CREBBP: variants seen among roughly 807,000 people sequenced by gnomAD.
CREBBP encodes the protein CREB binding lysine acetyltransferase, also known as CREB-binding protein.
In CREBBP, 19 loss-of-function variants were observed where a neutral mutation model predicts 265.0. The observed-to-expected ratio is 0.07, with a 90% CI of 0.05 to 0.11. CREBBP has a LOEUF of 0.11. Among genes scored for constraint, CREBBP ranks in the 10% least tolerant of loss-of-function variants. CREBBP has a pLI of 1.00. For synonymous variants in CREBBP, 1,457 were observed against 1,223.7 expected (o/e 1.19, Z -3.98); for missense variants, 2,525 against 3,219.0 (o/e 0.78, Z 5.22).
chr16:3,787,654 T>TTTTTG (rs372061391), intron 5 of CREBBP, among the ~76,000 whole-genome samples: 52 of 151,886 alleles, frequency 3.4e-4, no homozygotes, highest in East Asian at 3.9e-4. Flanking sequence ...TTGTTTTGGT[T>TTTTTG]TTTTGTTTTG....
chr16:3,765,994 C>T (rs2052843070), intron 16 of CREBBP, among the ~76,000 whole-genome samples: 1 of 152,074 alleles, frequency 6.6e-6, no homozygotes, highest in Non-Finnish European at 1.5e-5. Context: ...GCACGCCCTG[C>T]TTTTCTAAGT....
chr16:3,849,559 CAG>C (rs1440188959), intron 2 of CREBBP, among the ~76,000 whole-genome samples: 1 of 109,696 alleles, frequency 9.1e-6, no homozygotes, highest in Non-Finnish European at 1.7e-5. Context: ...TTCCAAGAGA[CAG>C]GGTTTCGCCA....
intron 2 of CREBBP, among the ~76,000 whole-genome samples, chr16:3,841,624 G>C (rs373300200): frequency 3.7e-4 from 56 of 152,256 alleles, no homozygotes; most frequent in Admixed American, 6.5e-4. Context: ...CTGGGTGACA[G>C]AGTGAGGCCT....
chr16:3,748,030 C>T (rs1342012532), intron 21 of CREBBP, among the ~76,000 whole-genome samples: 4 of 152,164 alleles, frequency 2.6e-5, no homozygotes, highest in Non-Finnish European at 4.4e-5. Context: ...ACGGAGGTTG[C>T]GGTGAGCTGA....
chr16:3,745,232 T>C (rs767691514), intron 22 of CREBBP, 45 bp downstream of exon 22: 7 of 1,566,800 alleles, frequency 4.5e-6, no homozygotes, highest in South Asian at 1.1e-5. Flanking sequence ...GCCCCGCCAC[T>C]GGCTCTGTGC....
intron 27 of CREBBP, 159 bp from the exon 28 acceptor site, chr16:3,736,362 G>A (rs1340534547): frequency 3.8e-6 from 3 of 799,920 alleles, no homozygotes; most frequent in African/African-American, 1.7e-5. Context: ...CCACACATGT[G>A]CACCCCCCAC....
chr16:3,769,153 T>C (rs775097276), intron 15 of CREBBP, 21 bp downstream of exon 15: 2 of 1,613,640 alleles, frequency 1.2e-6, no homozygotes, highest in Admixed American at 1.7e-5. Context: ...AGTCAATGCA[T>C]TCCTAGGGAG....
In CREBBP at chr16:3,800,058, C is replaced by T. The variant is rs143741800; in HGVS notation, c.976-6432G>A. 2.6e-5 allele frequency among the ~76,000 whole-genome samples: 4 copies of T among 152,190 alleles called. No individual in the cohort carries two copies. In the East Asian group the frequency reaches 7.7e-4, roughly 29 times the overall value. ...GGTAATTAAGGTGGGTACTTTGTTA[C>T]GTAAAGGCAGTAAAGGCTTTAGTCA... On this transcript the variant is annotated intron_variant, in intron 3 of 30. Transcript: ENST00000262367.
chr16:3,840,570 CA>C, intron 2 of CREBBP: 1 of 162,964 alleles, frequency 6.1e-6, no homozygotes, highest in Non-Finnish European at 1.4e-5. Context: ...TCCCAGTCTT[CA>C]AAAATGCTCA....
chr16:3,868,121 A>G (rs868708786), intron 1 of CREBBP, among the ~76,000 whole-genome samples: 1 of 152,150 alleles, frequency 6.6e-6, no homozygotes, highest in South Asian at 2.1e-4. Flanking sequence ...TAGAATACGT[A>G]AGAAACAGCT....
intron 8 of CREBBP, 92 bp downstream of exon 8, chr16:3,780,640 T>C (rs2053252192): frequency 7.2e-7 from 1 of 1,393,638 alleles, no homozygotes; most frequent in Non-Finnish European, 1.0e-6. Flanking sequence ...GCACGTGACT[T>C]GTATAGGCTC....
chr16:3,782,865 T>C lies in CREBBP; in HGVS notation c.1392A>G (p.Gln464=). Residue 464 remains glutamine (Q), a synonymous_variant, in exon 6 of 31, where the codon CAA becomes CAG. Coordinates refer to ENST00000262367, the MANE Select transcript of CREBBP (RefSeq NM_004380.3). ...GGTTACTTAAAGAAGTGGCATTCTG[T>C]TGCCCTGTGCCAACAGAACCAATTG... ...QNTIGSVGTG[Q]QNATSLSNPN... The C allele has an allele frequency of 6.2e-6, 10 of 1,614,178 alleles. No homozygotes were observed. The highest frequency in any genetic ancestry group is 8.5e-6 in the Non-Finnish European group (10 of 1,180,028).
chr16:3,809,980 C>T (rs1324580224), intron 3 of CREBBP, among the ~76,000 whole-genome samples: 12 of 151,840 alleles, frequency 7.9e-5, no homozygotes, highest in African/African-American at 2.9e-4. Context: ...AACGCACTAC[C>T]CCTCAGTGTT....
chr16:3,808,617 G>A (rs890996895), intron 3 of CREBBP, among the ~76,000 whole-genome samples: 5 of 152,240 alleles, frequency 3.3e-5, no homozygotes, highest in Admixed American at 1.3e-4. Flanking sequence ...GAGCAGCAGT[G>A]GAGGCAGCAG....
chr16:3,740,470 G>C lies in CREBBP; in HGVS notation c.4062C>G (p.Ala1354=), dbSNP rs758900612. ...CCACCACTCGGACAAAAACCTCCCCGGCTTCAGGGTGATTCTGGCGCCGCA... is the reference window on the plus strand; with the variant it reads ...CCACCACTCGGACAAAAACCTCCCCCGCTTCAGGGTGATTCTGGCGCCGCA... The part of the protein sequence containing the change: ...KFLRRQNHPE[A]GEVFVRVVAS... Residue 1354 remains alanine, a synonymous_variant, in exon 24 of 31, where the codon GCC becomes GCG. Coordinates refer to ENST00000262367, the MANE Select transcript of CREBBP (RefSeq NM_004380.3). 3 of 1,614,134 alleles carry C rather than the reference G, an allele frequency of 1.9e-6. No homozygotes were observed. The highest frequency in any genetic ancestry group is 1.7e-6 in the Non-Finnish European group (2 of 1,180,030).
intron 2 of CREBBP, chr16:3,813,176 T>C: frequency 4.4e-6 from 1 of 229,650 alleles, no homozygotes; most frequent in Non-Finnish European, 8.6e-6. Flanking sequence ...GTTCTAGCTC[T>C]GTGCATTTCA....
At chr16:3,746,848 G>A (rs2052354317) in intron 21 of CREBBP, among the ~76,000 whole-genome samples, 1 of 152,178 alleles carries the variant, frequency 6.6e-6, no homozygotes, top group African/African-American at 2.4e-5. Context: ...AGAAGGCTGA[G>A]CTGGGAGGAC....
intron 19 of CREBBP, among the ~76,000 whole-genome samples, chr16:3,754,122 A>C: frequency 6.9e-6 from 1 of 144,038 alleles, no homozygotes; most frequent in African/African-American, 2.9e-5. Context: ...AGAACCGGGG[A>C]GGCAAAGCAT....
intron 2 of CREBBP, among the ~76,000 whole-genome samples, chr16:3,816,154 C>T (rs1479461278): frequency 3.3e-5 from 5 of 151,894 alleles, no homozygotes; most frequent in Admixed American, 1.3e-4. Flanking sequence ...AGTAAGTACC[C>T]AAAAAAAGAA....
Sources: allele counts gnomAD v4.1 joint callset (sites outside exome capture counted in the v4.1 genomes callset), GRCh38; gene constraint gnomAD v4.1.1; transcripts MANE v1.5; gene names NCBI Gene and HGNC (gene_info 2026-07-23, HGNC 2026-07-21).